Variants in ADGRV1 observed in about 807,000 individuals in gnomAD.
The protein encoded by ADGRV1 is adhesion G protein-coupled receptor V1, also known as G-protein coupled receptor 98.
In ADGRV1, 359 loss-of-function variants were observed where a neutral mutation model predicts 596.2. That is an observed-to-expected ratio of 0.60 (90% CI 0.55 to 0.66). The LOEUF (loss-of-function observed/expected upper bound fraction) is 0.66. Ranked by LOEUF, ADGRV1 falls within the 30% of genes least tolerant of loss-of-function variation. The pLI is 0.00. For missense variants in ADGRV1, 7,274 were observed against 7,575.6 expected (o/e 0.96, Z 1.48); for synonymous variants, 2,681 against 2,679.2 (o/e 1.00, Z -0.02).
chr5:90,837,969 C>T (rs1581272802), intron 77 of ADGRV1, among the ~76,000 whole-genome samples: 1 of 151,782 alleles, frequency 6.6e-6, no homozygotes, highest in East Asian at 1.9e-4. Flanking sequence ...TAGTTCTATT[C>T]TTATATATTA....
intron 86 of ADGRV1, among the ~76,000 whole-genome samples, chr5:91,073,763 T>A (rs1179332275): frequency 6.6e-6 from 1 of 152,194 alleles, no homozygotes; most frequent in Admixed American, 6.5e-5. Context: ...AGTGGCATGA[T>A]CTTGGCTCAC....
chr5:91,029,211 C>CA (rs200135664), intron 85 of ADGRV1, among the ~76,000 whole-genome samples: 3 of 151,158 alleles, frequency 2.0e-5, no homozygotes, highest in African/African-American at 4.9e-5. Flanking sequence ...GACTCCGTCT[C>CA]AAAAAAAAAT....
intron 84 of ADGRV1, among the ~76,000 whole-genome samples, chr5:90,984,203 TATAGAC>T (rs1356793221): frequency 6.6e-6 from 1 of 152,168 alleles, no homozygotes; most frequent in Non-Finnish European, 1.5e-5. Context: ...ATGAATGAAT[TATAGAC>T]ATATAATAAT....
At chr5:90,995,175 A>G (rs1781312007) in intron 85 of ADGRV1, among the ~76,000 whole-genome samples, 1 of 152,216 alleles carries the variant, frequency 6.6e-6, no homozygotes, top group African/African-American at 2.4e-5. Context: ...CCACTGGCTC[A>G]GATAGCCATG....
intron 85 of ADGRV1, among the ~76,000 whole-genome samples, chr5:90,987,797 C>G (rs999024125): frequency 6.6e-6 from 1 of 151,880 alleles, no homozygotes; most frequent in African/African-American, 2.4e-5. Context: ...TAGGCTCTTC[C>G]CTAGAAGAAT....
chr5:90,827,093 G>T (rs930912078), intron 76 of ADGRV1, among the ~76,000 whole-genome samples: 3 of 152,080 alleles, frequency 2.0e-5, no homozygotes, highest in Admixed American at 1.3e-4. Flanking sequence ...TTTAAGTAAG[G>T]TATTGTTTCA....
At chr5:90,866,977 A>G (rs968970691) in intron 83 of ADGRV1, among the ~76,000 whole-genome samples, 2 of 152,170 alleles carry the variant, frequency 1.3e-5, no homozygotes, top group Non-Finnish European at 2.9e-5. Context: ...ATGTGAAGAA[A>G]CAGCAAACAA....
At chr5:91,031,339 C>T (rs989890439) in intron 85 of ADGRV1, 10 of 1,288,830 alleles carry the variant, frequency 7.8e-6, no homozygotes, top group Non-Finnish European at 1.1e-5. Flanking sequence ...GATACAATCC[C>T]ACTCCAATCT....
chr5:90,965,457 G>A lies in ADGRV1; in HGVS notation c.17899G>A (p.Glu5967Lys), dbSNP rs780183238. The A allele has an allele frequency of 1.2e-6, 2 of 1,613,802 alleles. No individual in the cohort carries two copies. The highest frequency in any genetic ancestry group is 2.2e-5 in the South Asian group (2 of 91,064). The part of the protein sequence containing the change: ...ASAYASPQLA[E>K]ESCSAMAAVT... ...TGCATACGCAAGTCCCCAACTCGCTGAGGAGAGCTGTTCAGCTATGGCTGC... is the reference window on the plus strand; with the variant it reads ...TGCATACGCAAGTCCCCAACTCGCTAAGGAGAGCTGTTCAGCTATGGCTGC... Residue 5967 changes from glutamate to lysine, a missense_variant, in exon 84 of 90, where the codon GAG (glutamate) becomes AAG (lysine). Glu to Lys is a moderately conservative substitution (Grantham distance 56). Transcript: ENST00000405460.
rs537148299 is a variant in ADGRV1, at chr5:91,132,010, A to G, written c.18433-18020A>G. On this transcript the variant is annotated intron_variant, in intron 87 of 89. Coordinates refer to ENST00000405460, the MANE Select transcript of ADGRV1 (RefSeq NM_032119.4). ...TAGGAGTCCAGTTTCATTCTCCTGG[A>G]TATGGCTATCCAATTTTCCTAGCAC... Among the ~76,000 whole-genome samples, 149 of 152,248 alleles carry G rather than the reference A, an allele frequency of 9.8e-4. 1 individual carries two copies. The highest frequency in any genetic ancestry group is 3.4e-3 in the African/African-American group (142 of 41,542).
At chr5:90,696,258 A>C (rs1166661037) in intron 33 of ADGRV1, among the ~76,000 whole-genome samples, 1 of 152,108 alleles carries the variant, frequency 6.6e-6, no homozygotes, top group Non-Finnish European at 1.5e-5. Flanking sequence ...TGCCCTATCT[A>C]CTAGATCAAA....
chr5:90,725,331 T>G (rs1751624696), intron 47 of ADGRV1, 99 bp downstream of exon 47: 2 of 858,474 alleles, frequency 2.3e-6, no homozygotes, highest in Non-Finnish European at 3.4e-6. Context: ...TTTATGTTAA[T>G]GTGAAAAAGG....
chr5:90,906,580 C>G (rs1030019566), intron 83 of ADGRV1, among the ~76,000 whole-genome samples: 1 of 152,020 alleles, frequency 6.6e-6, no homozygotes, highest in Non-Finnish European at 1.5e-5. Flanking sequence ...GTTGTAATGT[C>G]TCCATTTTCA....
At chr5:90,979,701 T>C (rs1779932708) in intron 84 of ADGRV1, among the ~76,000 whole-genome samples, 1 of 152,188 alleles carries the variant, frequency 6.6e-6, no homozygotes, top group Admixed American at 6.5e-5. Context: ...TGTTTTTACT[T>C]AAAGAATTGT....
At chr5:90,886,386 A>G (rs1472470117) in intron 83 of ADGRV1, among the ~76,000 whole-genome samples, 1 of 152,136 alleles carries the variant, frequency 6.6e-6, no homozygotes, top group Non-Finnish European at 1.5e-5. Flanking sequence ...CTATAGCAGT[A>G]TTTAACAAAG....
intron 37 of ADGRV1, 111 bp from the exon 38 acceptor site, chr5:90,706,120 C>T: frequency 1.2e-6 from 1 of 810,104 alleles, no homozygotes; most frequent in Admixed American, 2.9e-5. Flanking sequence ...GAATTGGGAC[C>T]AATAATACTA....
intron 74 of ADGRV1, among the ~76,000 whole-genome samples, chr5:90,813,648 A>G (rs1762654138): frequency 6.6e-6 from 1 of 152,202 alleles, no homozygotes. Flanking sequence ...ATGTCGTATG[A>G]TGTAATTGGC....
rs550594173 is a variant in ADGRV1, at chr5:90,646,050, C to T, written c.2981C>T (p.Thr994Ile). 18 of 1,600,770 alleles carry T rather than the reference C, an allele frequency of 1.1e-5. No individual in the cohort carries two copies. The South Asian group carries it at 1.9e-4, about 17-fold the overall frequency. ...GAKVGNRTTA[T>I]LRIRRNDDPI... ...AAAGTGGGAAATAGAACAACTGCAA[C>T]TCTGAGGATTAGAAGAAATGATGAC... is the stretch of plus-strand genomic sequence containing the variant. Residue 994 changes from threonine to isoleucine, a missense_variant, in exon 16 of 90, where the codon ACT becomes ATT. Physicochemically the swap from Thr to Ile is moderately conservative, Grantham distance 89. This residue lies in a region of ADGRV1 where 1,715 missense variants were observed against 1,708.8 expected (regional missense o/e 1.00). Transcript: ENST00000405460.
At chr5:90,933,785 G>A (rs1428873343) in intron 83 of ADGRV1, among the ~76,000 whole-genome samples, 1 of 152,138 alleles carries the variant, frequency 6.6e-6, no homozygotes, top group African/African-American at 2.4e-5. Flanking sequence ...TGTAGCAGGT[G>A]TGAATCTCAG....
Sources: allele counts gnomAD v4.1 joint callset (sites outside exome capture counted in the v4.1 genomes callset), GRCh38; gene constraint gnomAD v4.1.1; regional missense constraint gnomAD v4.1.1; transcripts MANE v1.5; gene names NCBI Gene and HGNC (gene_info 2026-07-23, HGNC 2026-07-21).